The following DNMBP variants were observed in gnomAD, a reference collection of about 807,000 sequenced individuals.
The protein encoded by DNMBP is dynamin-binding protein.
A neutral mutation model predicts 150.0 loss-of-function variants in DNMBP; 87 were observed. The ratio of observed to expected loss-of-function variants is 0.58; its 90% CI spans 0.49 to 0.69. The LOEUF (loss-of-function observed/expected upper bound fraction) is 0.69, where lower values mean the gene tolerates loss of function less well. Among genes scored for constraint, DNMBP ranks in the 30% least tolerant of loss-of-function variants. The pLI is 0.00. For missense variants in DNMBP, 1,774 were observed against 1,949.0 expected (o/e 0.91, Z 1.69); for synonymous variants, 711 against 750.4 (o/e 0.95, Z 0.86).
At chr10:99,900,231 A>G (rs565217680) in intron 6 of DNMBP, among the ~76,000 whole-genome samples, 165 bp from the exon 7 acceptor site, 32 of 152,334 alleles carry the variant, frequency 2.1e-4, no homozygotes, top group African/African-American at 7.7e-4. Context: ...CTAACAGCTT[A>G]AAGTTGTAAT....
At position 99,952,297 on chromosome 10, in the gene DNMBP, T is replaced by C. The variant is rs139422481; in HGVS notation, c.2260+2917A>G. Among the ~76,000 whole-genome samples, 224 of 152,298 alleles carry C rather than the reference T, an allele frequency of 1.5e-3. 1 individual carries two copies. The highest frequency in any genetic ancestry group is 4.8e-3 in the African/African-American group (200 of 41,574). On this transcript the variant is annotated intron_variant, in intron 4 of 16. Transcript: ENST00000324109. ...ACTAATACAATATCTAATGCAAGAA[T>C]TGTTTACAGGTTTATCTTGAAACTT...
intron 4 of DNMBP, among the ~76,000 whole-genome samples, chr10:99,911,614 T>C (rs1269466987): frequency 6.6e-6 from 1 of 152,176 alleles, no homozygotes; most frequent in Non-Finnish European, 1.5e-5. Flanking sequence ...GAGAATGAGA[T>C]AAAAACAGCA....
intron 4 of DNMBP, among the ~76,000 whole-genome samples, chr10:99,941,252 T>C (rs1442630861): frequency 4.6e-5 from 7 of 152,162 alleles, no homozygotes; most frequent in African/African-American, 1.7e-4. Flanking sequence ...TGCTTCTTCT[T>C]TGCTGGCCCA....
rs536813644 is a variant in DNMBP, at chr10:99,975,950, T to C, written c.-10-3816A>G. Among the ~76,000 whole-genome samples, 398 of 152,332 alleles carry C rather than the reference T, an allele frequency of 2.6e-3. 1 individual carries two copies. The highest frequency in any genetic ancestry group is 4.9e-3 in the Non-Finnish European group (334 of 68,036). On this transcript the variant is annotated intron_variant, in intron 1 of 16. Coordinates refer to ENST00000324109, the MANE Select transcript of DNMBP (RefSeq NM_015221.4). ...CTTCCCTGAGTCCTCGCAAGGACCC[T>C]ATCATATGTTATTGGTTCCCATTTG... is the stretch of plus-strand genomic sequence containing the variant.
chr10:99,968,994 T>C (rs2040648079), intron 3 of DNMBP, 121 bp downstream of exon 3: 1 of 1,079,714 alleles, frequency 9.3e-7, no homozygotes, highest in Non-Finnish European at 1.4e-6. Context: ...CGCTATTTGG[T>C]ATTGCCGAGG....
rs1467315240 is a variant in DNMBP at position 99,896,333 on chromosome 10, G to A, written c.2985C>T (p.His995=). 3 of 1,614,134 alleles carry A rather than the reference G, an allele frequency of 1.9e-6. No homozygotes were observed. Among genetic ancestry groups the A allele is most frequent in the South Asian group, 2.2e-5 (2 of 91,084 alleles). Residue 995 remains histidine (H), a synonymous_variant, in exon 10 of 17, where the codon CAC becomes CAT. Coordinates refer to ENST00000324109, the MANE Select transcript of DNMBP (RefSeq NM_015221.4). The stretch of plus-strand genomic sequence containing the variant: ...CTCGGTTGGATTTCTTGATGATGGA[G>A]TGGATGTTCAGTTTGGAAATTTTCT... ...LMEKISKLNI[H]SIIKKSNRVS...
At chr10:99,940,321 GA>G (rs1464752201) in intron 4 of DNMBP, among the ~76,000 whole-genome samples, 1 of 152,160 alleles carries the variant, frequency 6.6e-6, no homozygotes, top group Non-Finnish European at 1.5e-5. Context: ...TAATCTTGGG[GA>G]GGTTATTTAA....
At chr10:99,915,204 CAT>C (rs61600172) in intron 4 of DNMBP, among the ~76,000 whole-genome samples, 6 of 126,112 alleles carry the variant, frequency 4.8e-5, no homozygotes, top group African/African-American at 1.7e-4. Context: ...CACACATATA[CAT>C]ATATACATAC....
chr10:99,998,579 CAAAAAAA>C (rs71009799), intron 1 of DNMBP, among the ~76,000 whole-genome samples: 1 of 93,248 alleles, frequency 1.1e-5, no homozygotes, highest in Admixed American at 1.2e-4. Flanking sequence ...GACTCCGTCT[CAAAAAAA>C]AAAAAAAAAA....
At chr10:99,933,924 G>T (rs1229879855) in intron 4 of DNMBP, among the ~76,000 whole-genome samples, 1 of 152,122 alleles carries the variant, frequency 6.6e-6, no homozygotes, top group Non-Finnish European at 1.5e-5. Context: ...TTTTAGTAGA[G>T]ACAGGGTTTC....
rs377240033 is a variant in DNMBP at position 99,947,256 on chromosome 10, CT to C, written c.2260+7957del. Among the ~76,000 whole-genome samples the C allele has an allele frequency of 1.2e-4, 19 of 152,274 alleles. No homozygotes were observed. The South Asian group carries it at 3.9e-3, about 32-fold the overall frequency. On this transcript the variant is annotated intron_variant, in intron 4 of 16. Transcript: ENST00000324109. ...GAAAATTCTTCTACCAAAAACACAC[CT>C]GCACTCAGCTGACTCCAGCACTATT...
intron 1 of DNMBP, among the ~76,000 whole-genome samples, chr10:99,981,855 G>A (rs1449118588): frequency 6.6e-6 from 1 of 152,202 alleles, no homozygotes; most frequent in Admixed American, 6.5e-5. Flanking sequence ...GCTGGGTTGT[G>A]AGTTGGCTGC....
intron 4 of DNMBP, among the ~76,000 whole-genome samples, chr10:99,939,000 C>T (rs559474350): frequency 2.6e-5 from 4 of 151,964 alleles, no homozygotes; most frequent in South Asian, 4.1e-4. Context: ...CTGTGTGATG[C>T]CCAGAGTGGA....
chr10:99,957,591 T>G (rs953914469), intron 3 of DNMBP: 1 of 207,824 alleles, frequency 4.8e-6, no homozygotes, highest in African/African-American at 2.3e-5. Flanking sequence ...ATCCGAGCAC[T>G]TTGGGAGGCC....
chr10:99,933,851 C>T (rs1264438141), intron 4 of DNMBP, among the ~76,000 whole-genome samples: 2 of 152,246 alleles, frequency 1.3e-5, no homozygotes, highest in Non-Finnish European at 2.9e-5. Context: ...ATTCTCCTGC[C>T]TCAGCCTCCG....
rs370997978 is a variant in DNMBP at position 99,884,223 on chromosome 10, C to T, written c.3799-14G>A. On this transcript the variant is annotated splice_polypyrimidine_tract_variant and intron_variant, in intron 14 of 16. Coordinates refer to ENST00000324109, the MANE Select transcript of DNMBP (RefSeq NM_015221.4). Reference sequence around the variant, plus strand: ...CATGTAACTTGGCTGAAAGGTAAGACGTTAACAAAAATCTCTCAGTGGCCA... The same window carrying T: ...CATGTAACTTGGCTGAAAGGTAAGATGTTAACAAAAATCTCTCAGTGGCCA... The T allele has an allele frequency of 1.6e-5, 25 of 1,604,814 alleles. No individual in the cohort carries two copies. The highest frequency in any genetic ancestry group is 2.7e-5 in the African/African-American group (2 of 74,666).
chr10:99,883,857 C>A (rs1564714410), intron 15 of DNMBP, among the ~76,000 whole-genome samples, 154 bp downstream of exon 15: 1 of 152,074 alleles, frequency 6.6e-6, no homozygotes, highest in Non-Finnish European at 1.5e-5. Context: ...GATCTTCACT[C>A]TCTAGAGAAG....
Position 99,884,093 on chromosome 10 carries a change from T to A in DNMBP, c.3915A>T (p.Ser1305=), listed in dbSNP as rs745828314. The change falls in exon 15 of 17, where the codon TCA becomes TCT. Residue 1305 remains serine (S), a synonymous_variant. Coordinates refer to ENST00000324109, the MANE Select transcript of DNMBP (RefSeq NM_015221.4). ...NFNAAQDLDV[S]LLEGDLVGVI... ...CACCCACCAGGTCACCTTCCAAAAGTGAGACATCCAAGTCTTGAGCAGCAT... is the reference window on the plus strand; with the variant it reads ...CACCCACCAGGTCACCTTCCAAAAGAGAGACATCCAAGTCTTGAGCAGCAT... 6.2e-7 allele frequency: 1 copy of A among 1,614,066 alleles called. No individual in the cohort carries two copies. The highest frequency in any genetic ancestry group is 1.1e-5 in the South Asian group (1 of 91,080).
At chr10:99,973,095 T>C (rs1356916113) in intron 1 of DNMBP, among the ~76,000 whole-genome samples, 1 of 152,012 alleles carries the variant, frequency 6.6e-6, no homozygotes, top group Non-Finnish European at 1.5e-5. Context: ...ATTTATTTAT[T>C]TATTTATTTA....
Sources: gnomAD v4.1 joint callset for allele counts (sites outside exome capture counted in the v4.1 genomes callset) on GRCh38, gnomAD v4.1.1 for gene constraint, MANE v1.5 for transcripts, NCBI Gene and HGNC (gene_info 2026-07-23, HGNC 2026-07-21) for gene names.